PCDHAC2: variants seen among roughly 807,000 people sequenced by gnomAD.
The protein encoded by PCDHAC2 is protocadherin alpha subfamily C, 2.
Under a neutral mutation model 63.3 loss-of-function variants are expected in PCDHAC2, and 24 were observed. The ratio of observed to expected loss-of-function variants is 0.38; its 90% confidence interval spans 0.27 to 0.53. PCDHAC2 has a LOEUF of 0.53. Among genes scored for constraint, PCDHAC2 ranks in the 20% least tolerant of loss-of-function variants. The probability of loss-of-function intolerance (pLI) is 0.81; values close to 1 mark genes in which losing one functional copy is unlikely to be tolerated. For missense variants in PCDHAC2, 1,181 were observed against 1,275.2 expected, an observed-to-expected ratio of 0.93 and a Z score of 1.12; for synonymous variants, 569 against 529.4, an observed-to-expected ratio of 1.07 and a Z score of -1.03.
chr5:141,009,720 C>G lies in PCDHAC2; in HGVS notation c.2807C>G (p.Ser936Cys), dbSNP rs782119637. ...FKYGPGNPKQ[S>C]GPGELPDKFI... ...TACGGACCAGGCAACCCCAAACAAT[C>G]CGGTCCCGGTGAGTTGCCCGACAAA... The change falls in exon 4 of 4, where the codon TCC (serine) becomes TGC (cysteine). Residue 936 changes from serine to cysteine, a missense_variant. Around this residue, in one of 3 missense-constraint regions of PCDHAC2, gnomAD observed 968 missense variants for 1,073.5 expected, o/e 0.90. Transcript: ENST00000289269. 1 of 1,614,180 alleles carries G rather than the reference C, an allele frequency of 6.2e-7. No individual in the cohort carries two copies. The highest frequency in any genetic ancestry group is 2.2e-5 in the East Asian group (1 of 44,872).
In PCDHAC2 at chr5:140,967,063, C is replaced by T. The variant is rs1554229129; in HGVS notation, c.297C>T (p.Leu99=). The change falls in exon 1 of 4, where the codon CTC becomes CTT. Residue 99 remains leucine (L), a synonymous_variant. Coordinates refer to ENST00000289269, the MANE Select transcript of PCDHAC2 (RefSeq NM_018899.6). ...YLELDLTSGA[L]FVNERIDREA... The stretch of plus-strand genomic sequence containing the variant: ...AGCTGGACCTGACGAGTGGAGCGCT[C>T]TTCGTCAACGAGCGCATTGATCGGG... 6.2e-7 allele frequency: 1 copy of T among 1,612,820 alleles called. No individual in the cohort carries two copies. Among genetic ancestry groups the T allele is most frequent in the Non-Finnish European group, 8.5e-7 (1 of 1,179,690 alleles).
At chr5:140,976,330 T>C (rs139191853) in intron 1 of PCDHAC2, among the ~76,000 whole-genome samples, 1 of 152,088 alleles carries the variant, frequency 6.6e-6, no homozygotes, top group Non-Finnish European at 1.5e-5. Flanking sequence ...GAGGGTGGAT[T>C]GCCTGAGGTC....
chr5:140,985,063 G>C (rs2097134230), intron 3 of PCDHAC2, among the ~76,000 whole-genome samples: 1 of 151,948 alleles, frequency 6.6e-6, no homozygotes, highest in African/African-American at 2.4e-5. Flanking sequence ...TCAGCCTCCT[G>C]AGTAGCTGAG....
intron 2 of PCDHAC2, among the ~76,000 whole-genome samples, chr5:140,981,682 C>T (rs2096944253): frequency 6.6e-6 from 1 of 151,668 alleles, no homozygotes; most frequent in South Asian, 2.1e-4. Flanking sequence ...TCCTTCCTCC[C>T]TTCCATCATT....
At chr5:141,005,032 T>A (rs1031521338) in intron 3 of PCDHAC2, among the ~76,000 whole-genome samples, 2 of 152,228 alleles carry the variant, frequency 1.3e-5, no homozygotes, top group Non-Finnish European at 2.9e-5. Context: ...TAATTGCCCA[T>A]ATGTGATACC....
chr5:140,976,037 T>C (rs1466922826), intron 1 of PCDHAC2, among the ~76,000 whole-genome samples: 1 of 152,200 alleles, frequency 6.6e-6, no homozygotes, highest in Non-Finnish European at 1.5e-5. Context: ...ATTTCAACTG[T>C]GATTGAAATT....
intron 3 of PCDHAC2, among the ~76,000 whole-genome samples, chr5:140,996,257 C>G (rs186736348): frequency 1.4e-4 from 22 of 152,342 alleles, no homozygotes; most frequent in African/African-American, 5.3e-4. Flanking sequence ...GACAGCAACA[C>G]AGAGCCTGGG....
At chr5:140,974,865 G>A (rs1042029401) in intron 1 of PCDHAC2, among the ~76,000 whole-genome samples, 7 of 152,026 alleles carry the variant, frequency 4.6e-5, no homozygotes, top group African/African-American at 1.4e-4. Context: ...GCCTTAATGC[G>A]GAACAGTCTA....
At chr5:140,999,001 C>T (rs1405051280) in intron 3 of PCDHAC2, among the ~76,000 whole-genome samples, 3 of 152,214 alleles carry the variant, frequency 2.0e-5, no homozygotes, top group Non-Finnish European at 4.4e-5. Flanking sequence ...AATGCTGGAG[C>T]TGAGATTTGA....
Position 140,969,128 on chromosome 5 carries a change from A to T in PCDHAC2, c.2362A>T (p.Thr788Ser), listed in dbSNP as rs140518271. ...FIEVRGNGSLTKTYCYKACLT... is the reference protein window; with the variant it reads ...FIEVRGNGSLSKTYCYKACLT... The stretch of plus-strand genomic sequence containing the variant: ...TGAAGTTCGAGGGAATGGCTCCCTC[A>T]CCAAGACCTACTGCTACAAGGCCTG... The change falls in exon 1 of 4, where the codon ACC (threonine) becomes TCC (serine). Residue 788 changes from threonine (T) to serine (S), a missense_variant. This residue lies in a region of PCDHAC2 where 968 missense variants were observed against 1,073.5 expected (regional missense o/e 0.90). Transcript: ENST00000289269. 6.8e-6 allele frequency: 11 copies of T among 1,614,040 alleles called. No individual in the cohort carries two copies. Among genetic ancestry groups the T allele is most frequent in the Non-Finnish European group, 9.3e-6 (11 of 1,180,032 alleles).
chr5:141,008,437 C>T (rs1261106138), intron 3 of PCDHAC2, among the ~76,000 whole-genome samples: 1 of 152,182 alleles, frequency 6.6e-6, no homozygotes. Context: ...TTTGCCCAGA[C>T]AGACCATTAC....
At chr5:140,983,542 C>A (rs1554245538) in intron 3 of PCDHAC2, among the ~76,000 whole-genome samples, 1 of 152,152 alleles carries the variant, frequency 6.6e-6, no homozygotes, top group African/African-American at 2.4e-5. Flanking sequence ...TGTGTGGTCT[C>A]ATTTATTCCT....
chr5:141,002,614 T>C (rs2098088159), intron 3 of PCDHAC2, among the ~76,000 whole-genome samples: 1 of 152,130 alleles, frequency 6.6e-6, no homozygotes, highest in Non-Finnish European at 1.5e-5. Context: ...AACAGACACA[T>C]AACACAGACA....
At chr5:140,979,178 G>C (rs782006168) in intron 2 of PCDHAC2, 171 bp downstream of exon 2, 32 of 944,022 alleles carry the variant, frequency 3.4e-5, no homozygotes, top group Non-Finnish European at 4.0e-5. Flanking sequence ...GATCGCAAAT[G>C]GTCAGTGCCA....
chr5:140,973,754 G>A (rs2096600951), intron 1 of PCDHAC2, among the ~76,000 whole-genome samples: 1 of 152,198 alleles, frequency 6.6e-6, no homozygotes, highest in South Asian at 2.1e-4. Flanking sequence ...CACTCTGCAG[G>A]GACACAGCCT....
intron 3 of PCDHAC2, among the ~76,000 whole-genome samples, chr5:140,994,582 G>A (rs1179279862): frequency 6.6e-6 from 1 of 152,062 alleles, no homozygotes; most frequent in Non-Finnish European, 1.5e-5. Context: ...GCATGCACTT[G>A]TAGTCTCAGC....
intron 3 of PCDHAC2, among the ~76,000 whole-genome samples, chr5:140,996,256 A>C (rs2097718697): frequency 6.6e-6 from 1 of 152,252 alleles, no homozygotes. Flanking sequence ...TGACAGCAAC[A>C]CAGAGCCTGG....
Position 140,987,904 on chromosome 5 carries a change from G to T in PCDHAC2, c.2713+5341G>T, listed in dbSNP as rs115515462. 1.9e-3 allele frequency among the ~76,000 whole-genome samples: 290 copies of T among 151,852 alleles called. 1 individual carries two copies. The highest frequency in any genetic ancestry group is 7.0e-3 in the African/African-American group (288 of 41,412). On this transcript the variant is annotated intron_variant, in intron 3 of 3. Transcript: ENST00000289269. ...GTTTATGTGCCCTAGTTTTATATGG[G>T]GATTTATATTCTTAATTGTCTCAAG...
intron 3 of PCDHAC2, among the ~76,000 whole-genome samples, chr5:141,001,004 T>C (rs2097982470): frequency 1.3e-5 from 2 of 152,368 alleles, no homozygotes; most frequent in South Asian, 4.1e-4. Flanking sequence ...TTTAAATATG[T>C]ATTTAGATAT....
Sources: allele counts gnomAD v4.1 joint callset (sites outside exome capture counted in the v4.1 genomes callset), GRCh38; gene constraint gnomAD v4.1.1; regional missense constraint gnomAD v4.1.1; transcripts MANE v1.5; gene names NCBI Gene and HGNC (gene_info 2026-07-23, HGNC 2026-07-21).